The following GSK3A variants were observed in gnomAD, a reference collection of about 807,000 sequenced individuals.
The protein encoded by GSK3A is glycogen synthase kinase 3 alpha.
A neutral mutation model predicts 56.6 loss-of-function variants in GSK3A; 14 were observed. That is an observed-to-expected ratio of 0.25 (90% confidence interval 0.16 to 0.39). GSK3A has a LOEUF of 0.39. GSK3A is among the 10% of genes least tolerant of loss of function. The pLI, the probability that GSK3A is intolerant of heterozygous loss-of-function variation, is 1.00. For synonymous variants in GSK3A, 301 were observed against 285.0 expected (o/e 1.06, Z -0.56); for missense variants, 450 against 656.0 (o/e 0.69, Z 3.43).
At chr19:42,233,579 GGT>G (rs2036238661) in intron 6 of GSK3A, among the ~76,000 whole-genome samples, 196 bp from the exon 7 acceptor site, 1 of 152,122 alleles carries the variant, frequency 6.6e-6, no homozygotes, top group Non-Finnish European at 1.5e-5. Context: ...CTCTAGTCTA[GGT>G]GTGTTTCCAG....
At chr19:42,239,881 G>T in intron 2 of GSK3A, 74 bp downstream of exon 2, 1 of 1,260,040 alleles carries the variant, frequency 7.9e-7, no homozygotes, top group Non-Finnish European at 1.1e-6. Flanking sequence ...CAAGCCTCCA[G>T]CTCTCTGGCT....
At chr19:42,240,207 G>T in intron 1 of GSK3A, 65 bp from the exon 2 acceptor site, 2 of 1,435,546 alleles carry the variant, frequency 1.4e-6, no homozygotes, top group Non-Finnish European at 2.0e-6. Context: ...CTATCCTGGG[G>T]CTGTGGGAGG....
In GSK3A at chr19:42,236,469, T is replaced by C. The variant is rs2036257754; in HGVS notation, c.666+137A>G. ...AGGCGAGCTCCATCTCGGGGGGTTA[T>C]GGGAACAACAGCAGGGGACATGGGG... On this transcript the variant is annotated intron_variant, in intron 4 of 10. Coordinates refer to ENST00000222330, the MANE Select transcript of GSK3A (RefSeq NM_019884.3). The C allele has an allele frequency of 5.9e-6, 4 of 673,806 alleles. No individual in the cohort carries two copies. The South Asian group carries it at 6.4e-5, about 11-fold the overall frequency. 41.7% of individuals were successfully genotyped at this position (673,806 alleles called of 1,614,324 possible). A position where few individuals can be genotyped will look rare whatever the true frequency, so the allele number is the denominator to read the frequency against.
chr19:42,233,678 T>A (rs2036239425), intron 6 of GSK3A, among the ~76,000 whole-genome samples: 1 of 152,074 alleles, frequency 6.6e-6, no homozygotes, highest in African/African-American at 2.4e-5. Flanking sequence ...GGCCCAAACC[T>A]GCCAACAGGC....
chr19:42,235,546 C>T (rs189525634), intron 4 of GSK3A, among the ~76,000 whole-genome samples: 3 of 152,256 alleles, frequency 2.0e-5, no homozygotes, highest in South Asian at 4.1e-4. Context: ...GCTTCCTAGG[C>T]CCCCTTCCTT....
chr19:42,242,472 G>A lies in GSK3A; in HGVS notation c.-7C>T, dbSNP rs2146941442. ...AAGGCCCGCCGCCGCTCATGGCGCCGAGCACAGGCCCAGGCTGCGGGGCTC... is the reference window on the plus strand; with the variant it reads ...AAGGCCCGCCGCCGCTCATGGCGCCAAGCACAGGCCCAGGCTGCGGGGCTC... On this transcript the variant is annotated 5_prime_UTR_variant, in exon 1 of 11. Coordinates refer to ENST00000222330, the MANE Select transcript of GSK3A (RefSeq NM_019884.3). 8.3e-7 allele frequency: 1 copy of A among 1,208,486 alleles called. No homozygotes were observed. Among genetic ancestry groups the A allele is most frequent in the Non-Finnish European group, 1.0e-6 (1 of 974,528 alleles). 74.9% of individuals were successfully genotyped at this position (1,208,486 alleles called of 1,614,324 possible).
chr19:42,230,853 G>A lies in GSK3A; in HGVS notation c.1393C>T (p.Pro465Ser). 6.4e-7 allele frequency: 1 copy of A among 1,560,924 alleles called. No homozygotes were observed. Among genetic ancestry groups the A allele is most frequent in the Non-Finnish European group, 8.7e-7 (1 of 1,152,056 alleles). Residue 465 changes from proline (P) to serine (S), a missense_variant, in exon 11 of 11, where the codon CCG becomes TCG. Pro to Ser is a moderately conservative substitution (Grantham distance 74). Around this residue, in one of 3 missense-constraint regions of GSK3A, gnomAD observed 113 missense variants for 147.5 expected, o/e 0.77. Coordinates refer to ENST00000222330, the MANE Select transcript of GSK3A (RefSeq NM_019884.3). ...TPSSQALTET[P>S]TSSDWQSTDA... ...GTCGACTGCCAGTCTGAGCTGGTCG[G>A]AGTCTCAGTTAAAGCTGGAGGGAGG...
chr19:42,239,902 C>A, intron 2 of GSK3A, 53 bp downstream of exon 2: 1 of 1,475,360 alleles, frequency 6.8e-7, no homozygotes, highest in East Asian at 2.3e-5. Flanking sequence ...CAGGTTCTCC[C>A]ACCAGTCACA....
At chr19:42,241,975 T>C (rs1599814501) in intron 1 of GSK3A, 2 of 414,404 alleles carry the variant, frequency 4.8e-6, no homozygotes, top group Non-Finnish European at 8.3e-6. Flanking sequence ...CTTTAAGTGT[T>C]AGTAATTCTG....
chr19:42,230,916 C>T (rs1002586248), intron 10 of GSK3A, 49 bp from the exon 11 acceptor site: 1 of 1,234,278 alleles, frequency 8.1e-7, no homozygotes, highest in Non-Finnish European at 1.2e-6. Context: ...CTTTCAGACA[C>T]CCCTTCGCCC....
chr19:42,235,019 C>T (rs953050389), intron 4 of GSK3A, among the ~76,000 whole-genome samples: 14 of 151,942 alleles, frequency 9.2e-5, no homozygotes, highest in Non-Finnish European at 1.5e-4. Context: ...CCCAGCTACT[C>T]GGGAGGCTGA....
chr19:42,240,759 T>A (rs2036286712), intron 1 of GSK3A: 1 of 154,584 alleles, frequency 6.5e-6, no homozygotes, highest in Non-Finnish European at 1.4e-5. Flanking sequence ...TGACCTGACC[T>A]CTTCATCTGA....
chr19:42,235,002 C>G (rs1472349810), intron 4 of GSK3A, among the ~76,000 whole-genome samples: 1 of 152,174 alleles, frequency 6.6e-6, no homozygotes, highest in Non-Finnish European at 1.5e-5. Context: ...TGGTGCACAC[C>G]TGTAATCCCA....
chr19:42,232,752 G>A, intron 8 of GSK3A, 70 bp from the exon 9 acceptor site: 1 of 1,288,746 alleles, frequency 7.8e-7, no homozygotes, highest in Admixed American at 2.4e-5. Flanking sequence ...TTATCTCACT[G>A]CCACAGTGCC....
intron 4 of GSK3A, among the ~76,000 whole-genome samples, chr19:42,235,092 A>G (rs1185869018): frequency 1.3e-5 from 2 of 151,972 alleles, no homozygotes; most frequent in Non-Finnish European, 2.9e-5. Context: ...GCACCACTGC[A>G]CTCCAGCGTG....
At chr19:42,236,458 T>C in intron 4 of GSK3A, 148 bp downstream of exon 4, 1 of 650,614 alleles carries the variant, frequency 1.5e-6, no homozygotes, top group South Asian at 1.7e-5. Context: ...GAGCTCCATC[T>C]CGGGGGGTTA....
At position 42,240,297 on chromosome 19, in the gene GSK3A, T is replaced by C. The variant is rs564472998; in HGVS notation, c.284-155A>G. On this transcript the variant is annotated intron_variant, in intron 1 of 10. Coordinates refer to ENST00000222330, the MANE Select transcript of GSK3A (RefSeq NM_019884.3). The stretch of plus-strand genomic sequence containing the variant: ...TTGAGGAAAGGTGGATGCTGGGACC[T>C]TCCCAGTGACTTTTCCCCTCTTCCT... 1.2e-4 allele frequency: 83 copies of C among 672,356 alleles called. No individual in the cohort carries two copies. In the African/African-American group the frequency reaches 1.4e-3, roughly 11 times the overall value. 41.6% of individuals were successfully genotyped at this position (672,356 alleles called of 1,614,324 possible). A position where few individuals can be genotyped will look rare whatever the true frequency, so the allele number is the denominator to read the frequency against.
intron 10 of GSK3A, among the ~76,000 whole-genome samples, chr19:42,231,116 C>T (rs1224153749): frequency 6.6e-6 from 1 of 152,144 alleles, no homozygotes; most frequent in African/African-American, 2.4e-5. Flanking sequence ...AATCCCAGCA[C>T]TTTGGGAGGC....
At chr19:42,240,857 A>C (rs2036287360) in intron 1 of GSK3A, 1 of 152,226 alleles carries the variant, frequency 6.6e-6, no homozygotes, top group South Asian at 2.1e-4. Flanking sequence ...CCTGACCTTT[A>C]TTATCAAGGA....
Sources: allele counts gnomAD v4.1 joint callset (sites outside exome capture counted in the v4.1 genomes callset), GRCh38; gene constraint gnomAD v4.1.1; regional missense constraint gnomAD v4.1.1; transcripts MANE v1.5; gene names NCBI Gene and HGNC (gene_info 2026-07-23, HGNC 2026-07-21).